TSHZ2: variants seen among roughly 807,000 people sequenced by gnomAD.
TSHZ2 encodes teashirt homolog 2.
TSHZ2 carries 21 observed loss-of-function variants against 74.4 expected under a neutral mutation model. The ratio of observed to expected loss-of-function variants is 0.28; its 90% CI spans 0.20 to 0.41. The LOEUF (loss-of-function observed/expected upper bound fraction) is 0.41. Ranked by LOEUF, TSHZ2 falls within the 10% of genes least tolerant of loss-of-function variation. The probability of loss-of-function intolerance (pLI) is 1.00; values close to 1 mark genes in which losing one functional copy is unlikely to be tolerated. For synonymous variants in TSHZ2, 540 were observed against 515.3 expected (o/e 1.05, Z -0.65); for missense variants, 1,244 against 1,293.5 (o/e 0.96, Z 0.59).
intron 2 of TSHZ2, among the ~76,000 whole-genome samples, chr20:53,359,848 C>T (rs1290006563): frequency 3.3e-5 from 5 of 152,180 alleles, no homozygotes; most frequent in Admixed American, 6.5e-5. Flanking sequence ...AAGATCACAC[C>T]GATGGTGAGC....
Position 53,469,702 on chromosome 20 carries a change from TAGAGAA to T in TSHZ2, c.*9-17436_*9-17431del, listed in dbSNP as rs1465162711. On this transcript the variant is annotated intron_variant, in intron 2 of 2. Coordinates refer to ENST00000371497, the MANE Select transcript of TSHZ2 (RefSeq NM_173485.6). ...GAAGGAAGGACGGACCCAAGAAAGA[TAGAGAA>T]AGAGAGAGGGAGGAAGGGAGGGAGG... Among the ~76,000 whole-genome samples, 3 of 32,682 alleles carry T rather than the reference TAGAGAA, an allele frequency of 9.2e-5. No homozygotes were observed. The Admixed American group carries it at 1.3e-3, about 14-fold the overall frequency. The allele number at this position is 32,682 out of a possible 152,430, so 21.4% of individuals were successfully genotyped here.
chr20:53,301,551 A>G (rs1991475879), intron 2 of TSHZ2, among the ~76,000 whole-genome samples: 1 of 152,220 alleles, frequency 6.6e-6, no homozygotes, highest in African/African-American at 2.4e-5. Context: ...CCATCCCCTA[A>G]GCCGAACTAA....
At chr20:53,331,814 C>A (rs551053379) in intron 2 of TSHZ2, among the ~76,000 whole-genome samples, 1 of 152,050 alleles carries the variant, frequency 6.6e-6, no homozygotes, top group Non-Finnish European at 1.5e-5. Flanking sequence ...GGGCAGGAAC[C>A]CCTTCCTGGT....
chr20:53,239,809 C>T (rs117190269), intron 1 of TSHZ2, among the ~76,000 whole-genome samples: 4,556 of 151,948 alleles, frequency 0.03, 129 homozygotes, highest in Admixed American at 0.056. Flanking sequence ...CACCAAGGAA[C>T]GAAACAATGT....
intron 1 of TSHZ2, among the ~76,000 whole-genome samples, chr20:53,240,960 C>G (rs1990055472): frequency 6.6e-6 from 1 of 152,182 alleles, no homozygotes; most frequent in African/African-American, 2.4e-5. Context: ...GTGTTCACCA[C>G]TGGAGAATAT....
intron 1 of TSHZ2, among the ~76,000 whole-genome samples, chr20:53,123,275 T>A (rs1027547464): frequency 4.6e-5 from 7 of 152,204 alleles, no homozygotes; most frequent in Admixed American, 1.3e-4. Flanking sequence ...AACTTTAACA[T>A]TTTTTTAGCT....
chr20:53,468,229 G>A (rs77009788), intron 2 of TSHZ2, among the ~76,000 whole-genome samples: 82 of 152,250 alleles, frequency 5.4e-4, no homozygotes, highest in Middle Eastern at 6.8e-3. Flanking sequence ...TATAATTAGG[G>A]ATAACTGTTC....
intron 1 of TSHZ2, among the ~76,000 whole-genome samples, chr20:53,176,547 G>A (rs1434851427): frequency 6.6e-6 from 1 of 152,148 alleles, no homozygotes; most frequent in East Asian, 1.9e-4. Flanking sequence ...ATTGATTACT[G>A]GAGTTGGTGA....
chr20:53,117,790 G>C (rs1986710799), intron 1 of TSHZ2, among the ~76,000 whole-genome samples: 1 of 152,176 alleles, frequency 6.6e-6, no homozygotes. Flanking sequence ...GGCACCACTT[G>C]GGTTCTAAGT....
chr20:53,127,372 A>C (rs958710830), intron 1 of TSHZ2, among the ~76,000 whole-genome samples: 3 of 152,246 alleles, frequency 2.0e-5, no homozygotes, highest in Non-Finnish European at 2.9e-5. Context: ...GAAAACAAAC[A>C]AAAAATAAAA....
At chr20:53,029,382 G>A (rs1983555772) in intron 1 of TSHZ2, among the ~76,000 whole-genome samples, 2 of 152,154 alleles carry the variant, frequency 1.3e-5, no homozygotes, top group African/African-American at 4.8e-5. Flanking sequence ...TGGTTTTAAA[G>A]GCATAAAGAT....
At chr20:53,114,690 A>G (rs1030268573) in intron 1 of TSHZ2, among the ~76,000 whole-genome samples, 1 of 152,210 alleles carries the variant, frequency 6.6e-6, no homozygotes. Context: ...TTGCTCAGAC[A>G]GAGGCAGTCT....
intron 1 of TSHZ2, among the ~76,000 whole-genome samples, chr20:53,052,423 C>T (rs558411104): frequency 6.6e-6 from 1 of 152,284 alleles, no homozygotes; most frequent in African/African-American, 2.4e-5. Context: ...TGTGAGGGAT[C>T]TAGGTTATGT....
At chr20:53,466,496 G>C (rs1394247865) in intron 2 of TSHZ2, among the ~76,000 whole-genome samples, 2 of 152,110 alleles carry the variant, frequency 1.3e-5, no homozygotes, top group Admixed American at 6.5e-5. Flanking sequence ...TCATGTTGTT[G>C]GCGGTTTGGA....
At chr20:53,044,631 A>G (rs1422924306) in intron 1 of TSHZ2, among the ~76,000 whole-genome samples, 1 of 152,182 alleles carries the variant, frequency 6.6e-6, no homozygotes, top group African/African-American at 2.4e-5. Context: ...TGTAAGTCAC[A>G]GAGTTCTTGG....
chr20:53,357,089 T>A (rs893122458), intron 2 of TSHZ2, among the ~76,000 whole-genome samples: 3 of 152,192 alleles, frequency 2.0e-5, no homozygotes, highest in Non-Finnish European at 2.9e-5. Context: ...GAATTTATAC[T>A]AATGAATTTG....
chr20:53,162,089 G>T (rs1987954245), intron 1 of TSHZ2, among the ~76,000 whole-genome samples: 1 of 152,048 alleles, frequency 6.6e-6, no homozygotes, highest in Non-Finnish European at 1.5e-5. Context: ...CTCATTAAAG[G>T]CTCATTTTTA....
At chr20:53,179,475 C>T (rs1166271998) in intron 1 of TSHZ2, 1 of 152,118 alleles carries the variant, frequency 6.6e-6, no homozygotes, top group East Asian at 1.9e-4. Flanking sequence ...CCAAAGGATC[C>T]AGAGAAGTCA....
intron 1 of TSHZ2, among the ~76,000 whole-genome samples, chr20:53,076,628 GA>G: frequency 6.6e-6 from 1 of 152,100 alleles, no homozygotes; most frequent in Admixed American, 6.5e-5. Flanking sequence ...AGCTAAAAAA[GA>G]AAAAAACAGC....
Sources: gnomAD v4.1 joint callset for allele counts (sites outside exome capture counted in the v4.1 genomes callset) on GRCh38, gnomAD v4.1.1 for gene constraint, MANE v1.5 for transcripts, NCBI Gene and HGNC (gene_info 2026-07-23, HGNC 2026-07-21) for gene names.